CARMIL1: variants seen among roughly 807,000 people sequenced by gnomAD.
CARMIL1 encodes F-actin-uncapping protein LRRC16A.
Under a neutral mutation model 177.1 loss-of-function variants are expected in CARMIL1, and 90 were observed. The observed-to-expected ratio is 0.51, with a 90% CI of 0.43 to 0.61. The LOEUF (loss-of-function observed/expected upper bound fraction) is 0.61. CARMIL1 is among the 20% of genes least tolerant of loss of function. The probability of loss-of-function intolerance (pLI) is 0.00; values close to 1 mark genes in which losing one functional copy is unlikely to be tolerated. For missense variants in CARMIL1, 1,380 were observed against 1,667.0 expected (o/e 0.83, Z 3.00); for synonymous variants, 577 against 606.2 (o/e 0.95, Z 0.71).
At chr6:25,492,505 A>G (rs949260448) in intron 15 of CARMIL1, among the ~76,000 whole-genome samples, 3 of 152,222 alleles carry the variant, frequency 2.0e-5, no homozygotes, top group African/African-American at 7.2e-5. Flanking sequence ...GATTAGAAGC[A>G]TCAAGGATTC....
At chr6:25,479,749 A>C (rs1162128729) in intron 11 of CARMIL1, among the ~76,000 whole-genome samples, 1 of 151,970 alleles carries the variant, frequency 6.6e-6, no homozygotes, top group South Asian at 2.1e-4. Context: ...TAATTAGATA[A>C]TTATTTTCCA....
At chr6:25,366,149 T>C (rs1789770016) in intron 2 of CARMIL1, among the ~76,000 whole-genome samples, 1 of 150,810 alleles carries the variant, frequency 6.6e-6, no homozygotes, top group Admixed American at 6.6e-5. Context: ...TGTACTACCA[T>C]GCCTGGCTAA....
chr6:25,316,896 A>G (rs1486328145), intron 2 of CARMIL1, among the ~76,000 whole-genome samples: 6 of 152,214 alleles, frequency 3.9e-5, no homozygotes, highest in African/African-American at 1.2e-4. Context: ...TTAGGTTACT[A>G]GAAAGCAGTG....
intron 2 of CARMIL1, among the ~76,000 whole-genome samples, chr6:25,411,554 C>T (rs151112545): frequency 2.0e-5 from 3 of 152,096 alleles, no homozygotes; most frequent in African/African-American, 7.2e-5. Context: ...CACCTGTGGG[C>T]GAACATTAGA....
At chr6:25,547,451 A>G (rs1214471918) in intron 26 of CARMIL1, among the ~76,000 whole-genome samples, 1 of 152,202 alleles carries the variant, frequency 6.6e-6, no homozygotes, top group African/African-American at 2.4e-5. Context: ...AGATGAACCA[A>G]AAAAACAGAT....
At chr6:25,382,501 T>C (rs1037222916) in intron 2 of CARMIL1, among the ~76,000 whole-genome samples, 33 of 152,118 alleles carry the variant, frequency 2.2e-4, no homozygotes, top group Admixed American at 5.9e-4. Context: ...GCTTCCACAG[T>C]GTGGAAGGGG....
chr6:25,610,530 C>G (rs1399940854), intron 36 of CARMIL1, among the ~76,000 whole-genome samples: 1 of 152,052 alleles, frequency 6.6e-6, no homozygotes, highest in African/African-American at 2.4e-5. Context: ...TTTCTGAGTC[C>G]TATTATTTTC....
chr6:25,374,053 A>T (rs1790734735), intron 2 of CARMIL1, among the ~76,000 whole-genome samples: 1 of 148,476 alleles, frequency 6.7e-6, no homozygotes, highest in African/African-American at 2.5e-5. Flanking sequence ...GGTCTTTGTT[A>T]TTTCTTTCAT....
At chr6:25,463,704 G>A (rs895187584) in intron 8 of CARMIL1, among the ~76,000 whole-genome samples, 1 of 152,044 alleles carries the variant, frequency 6.6e-6, no homozygotes, top group African/African-American at 2.4e-5. Flanking sequence ...GCTACAACCT[G>A]TAATTAGGCA....
chr6:25,500,744 A>T (rs980705773), intron 17 of CARMIL1, among the ~76,000 whole-genome samples: 1 of 151,990 alleles, frequency 6.6e-6, no homozygotes, highest in South Asian at 2.1e-4. Context: ...AACTGAGACT[A>T]AAGTGTCTAT....
At chr6:25,587,494 A>G (rs1032600732) in intron 31 of CARMIL1, among the ~76,000 whole-genome samples, 2 of 152,214 alleles carry the variant, frequency 1.3e-5, no homozygotes, top group African/African-American at 4.8e-5. Context: ...TAAGAAATAA[A>G]TAGGATAAAA....
At chr6:25,280,243 C>G (rs926654123) in intron 1 of CARMIL1, among the ~76,000 whole-genome samples, 1 of 152,168 alleles carries the variant, frequency 6.6e-6, no homozygotes, top group Non-Finnish European at 1.5e-5. Flanking sequence ...TCCGGGAAAG[C>G]CTATTGGAAG....
At chr6:25,293,959 T>A (rs149171098) in intron 2 of CARMIL1, among the ~76,000 whole-genome samples, 51 of 152,346 alleles carry the variant, frequency 3.3e-4, no homozygotes, top group African/African-American at 1.2e-3. Flanking sequence ...TGAGCTCAAG[T>A]CATCCACCTG....
intron 36 of CARMIL1, among the ~76,000 whole-genome samples, chr6:25,614,403 T>C: frequency 6.6e-6 from 1 of 152,234 alleles, no homozygotes; most frequent in East Asian, 1.9e-4. Flanking sequence ...AGTGGATTTG[T>C]TTATAGACAC....
At position 25,495,222 on chromosome 6, in the gene CARMIL1, G is replaced by T. The variant is rs371211037; in HGVS notation, c.1325+7G>T. 5 of 1,557,286 alleles carry T rather than the reference G, an allele frequency of 3.2e-6. No individual in the cohort carries two copies. In the African/African-American group the frequency reaches 6.9e-5, roughly 21 times the overall value. On this transcript the variant is annotated splice_region_variant and intron_variant, in intron 16 of 36. Coordinates refer to ENST00000329474, the MANE Select transcript of CARMIL1 (RefSeq NM_017640.6). The stretch of plus-strand genomic sequence containing the variant: ...TGTCTCCTGAGCCCTTAAAGTGAGT[G>T]GTTAATTCACTTTCTCCAGAGCTTT...
At chr6:25,410,407 T>C (rs1310134949) in intron 2 of CARMIL1, among the ~76,000 whole-genome samples, 1 of 152,192 alleles carries the variant, frequency 6.6e-6, no homozygotes, top group Non-Finnish European at 1.5e-5. Flanking sequence ...TGCCAGGTAC[T>C]TGTGTTTTGC....
At chr6:25,369,379 G>GTT (rs5875032) in intron 2 of CARMIL1, among the ~76,000 whole-genome samples, 19,127 of 140,602 alleles carry the variant, frequency 0.14, 1,400 homozygotes, top group African/African-American at 0.18. Context: ...GCTGTATTTT[G>GTT]TTTTTTTTTT....
Position 25,577,218 on chromosome 6 carries a change from C to T in CARMIL1, c.2743-3706C>T, listed in dbSNP as rs1582416140. 1 of 691,596 alleles carries T rather than the reference C, an allele frequency of 1.4e-6. No individual in the cohort carries two copies. The highest frequency in any genetic ancestry group is 1.8e-6 in the Non-Finnish European group (1 of 561,714). 42.8% of individuals were successfully genotyped at this position (691,596 alleles called of 1,614,324 possible). Reference sequence around the variant, plus strand: ...AATTTAAAATATCTCCAGCCATGTGCCTGAAAGCAAGCAGAGTGTTGATGA... The same window carrying T: ...AATTTAAAATATCTCCAGCCATGTGTCTGAAAGCAAGCAGAGTGTTGATGA... On this transcript the variant is annotated intron_variant, in intron 29 of 36. Transcript: ENST00000329474. This position sits in a 1 kb window ranked among gnomAD's most constrained non-coding sequence, Gnocchi z 4.5.
At chr6:25,397,634 T>C (rs1793533392) in intron 2 of CARMIL1, among the ~76,000 whole-genome samples, 1 of 152,200 alleles carries the variant, frequency 6.6e-6, no homozygotes, top group South Asian at 2.1e-4. Flanking sequence ...CACATGAGGG[T>C]TTTCAGTCAA....
Sources: gnomAD v4.1 joint callset for allele counts (sites outside exome capture counted in the v4.1 genomes callset) on GRCh38, gnomAD v4.1.1 for gene constraint, Gnocchi (gnomAD v3.1) non-coding constraint, MANE v1.5 for transcripts, NCBI Gene and HGNC (gene_info 2026-07-23, HGNC 2026-07-21) for gene names.